The following TAPT1 variants were observed in gnomAD, a reference collection of about 807,000 sequenced individuals.
TAPT1 encodes transmembrane anterior posterior transformation 1.
In TAPT1, 28 loss-of-function variants were observed where a neutral mutation model predicts 65.6. The ratio of observed to expected loss-of-function variants is 0.43; its 90% CI spans 0.32 to 0.59. The LOEUF is 0.59. TAPT1 is among the 20% of genes least tolerant of loss of function. The pLI, the probability that TAPT1 is intolerant of heterozygous loss-of-function variation, is 0.09. For synonymous variants in TAPT1, 278 were observed against 245.2 expected (o/e 1.13, Z -1.25); for missense variants, 563 against 679.9 (o/e 0.83, Z 1.91).
chr4:16,190,361 T>TG (rs1438451835), intron 4 of TAPT1: 1 of 151,644 alleles, frequency 6.6e-6, no homozygotes. Flanking sequence ...TTCCCCGAGA[T>TG]GGAGTCTCGC....
At chr4:16,190,070 A>G (rs1409193135) in intron 4 of TAPT1, 1 of 152,242 alleles carries the variant, frequency 6.6e-6, no homozygotes, top group East Asian at 1.9e-4. Context: ...GTGTACGCGC[A>G]GCAAGCCTAG....
intron 11 of TAPT1, among the ~76,000 whole-genome samples, chr4:16,173,632 C>T (rs1314334423): frequency 6.6e-6 from 1 of 152,172 alleles, no homozygotes. Flanking sequence ...GTATTAATTA[C>T]CACTGATAGA....
At chr4:16,222,785 T>C (rs1315874005) in intron 1 of TAPT1, among the ~76,000 whole-genome samples, 1 of 152,092 alleles carries the variant, frequency 6.6e-6, no homozygotes, top group Non-Finnish European at 1.5e-5. Flanking sequence ...CTAACCATGG[T>C]TAAAGGGAGA....
intron 4 of TAPT1, chr4:16,190,260 T>A (rs1347148882): frequency 6.6e-5 from 10 of 151,786 alleles, no homozygotes; most frequent in African/African-American, 2.4e-4. Context: ...CTAGGAAAAA[T>A]CTCTTCATGG....
At chr4:16,197,576 A>T (rs1749788129) in intron 3 of TAPT1, among the ~76,000 whole-genome samples, 1 of 152,352 alleles carries the variant, frequency 6.6e-6, no homozygotes, top group South Asian at 2.1e-4. Flanking sequence ...CAATTCTACA[A>T]GCAAATTTGG....
rs71649940 is a variant in TAPT1 at position 16,194,859 on chromosome 4, G to GTCTTCTTCTTCTTCTTCTTCT, written c.450-3357_450-3337dup. Among the ~76,000 whole-genome samples the GTCTTCTTCTTCTTCTTCTTCT allele has an allele frequency of 8.5e-4, 125 of 147,000 alleles. 6 individuals carry two copies. The highest frequency in any genetic ancestry group is 3.2e-3 in the African/African-American group (119 of 37,440). ...TTAAAAAACAAGGGTCTTGATTTCTGTCTTCTTCTTCTTCTTCTTCTTCTT... is the reference window on the plus strand; with the variant it reads ...TTAAAAAACAAGGGTCTTGATTTCTGTCTTCTTCTTCTTCTTCTTCTTCTTCTTCTTCTTCTTCTTCTTCTT... On this transcript the variant is annotated intron_variant, in intron 3 of 13. Coordinates refer to ENST00000405303, the MANE Select transcript of TAPT1 (RefSeq NM_153365.3).
At chr4:16,213,985 A>G (rs957550923) in intron 1 of TAPT1, 87 bp from the exon 2 acceptor site, 4 of 1,173,498 alleles carry the variant, frequency 3.4e-6, no homozygotes, top group African/African-American at 1.6e-5. Context: ...TAATATACAT[A>G]TAAAACAAAG....
intron 13 of TAPT1, among the ~76,000 whole-genome samples, chr4:16,166,036 T>G (rs1398256303): frequency 8.5e-5 from 13 of 152,180 alleles, no homozygotes; most frequent in Non-Finnish European, 1.5e-5. Context: ...CAAGACCCCC[T>G]CTCCAGTCCT....
At chr4:16,168,719 T>C (rs1386773359) in intron 12 of TAPT1, among the ~76,000 whole-genome samples, 2 of 152,264 alleles carry the variant, frequency 1.3e-5, no homozygotes, top group East Asian at 1.9e-4. Flanking sequence ...CTTGTTTTTC[T>C]AGTTGTTGTC....
intron 3 of TAPT1, among the ~76,000 whole-genome samples, chr4:16,194,044 T>C (rs1309999855): frequency 2.0e-5 from 3 of 152,224 alleles, no homozygotes; most frequent in African/African-American, 7.2e-5. Context: ...ATATATCCAA[T>C]TGTGTTTCTT....
chr4:16,218,569 A>G (rs1238513826), intron 1 of TAPT1, among the ~76,000 whole-genome samples: 1 of 152,232 alleles, frequency 6.6e-6, no homozygotes, highest in African/African-American at 2.4e-5. Context: ...CTTAAACATT[A>G]GTCCTGTGAC....
At chr4:16,179,885 A>C (rs1748610744) in intron 7 of TAPT1, among the ~76,000 whole-genome samples, 1 of 151,970 alleles carries the variant, frequency 6.6e-6, no homozygotes, top group South Asian at 2.1e-4. Flanking sequence ...ACATAATTCT[A>C]GTATGGAAAT....
chr4:16,170,787 G>C lies in TAPT1; in HGVS notation c.1237-58C>G. ...CACAAACAGAACACACAACCACAGA[G>C]TTATTAGTTAATACTTAAAAAGATT... On this transcript the variant is annotated intron_variant, in intron 11 of 13. Transcript: ENST00000405303. 3.1e-6 allele frequency: 4 copies of C among 1,290,886 alleles called. No homozygotes were observed. The South Asian group carries it at 5.0e-5, about 16-fold the overall frequency. 80.0% of individuals were successfully genotyped at this position (1,290,886 alleles called of 1,614,324 possible).
chr4:16,195,856 A>G (rs1463657488), intron 3 of TAPT1, among the ~76,000 whole-genome samples: 3 of 152,250 alleles, frequency 2.0e-5, no homozygotes, highest in African/African-American at 7.2e-5. Flanking sequence ...GTGGACAGAA[A>G]GATCAAGAAG....
chr4:16,226,355 T>A lies in TAPT1; in HGVS notation c.103A>T (p.Ser35Cys), dbSNP rs1455007644. ...GRGEAEQPGG[S>C]GGQGPPPAPQ... ...GCCGGCGGGGGCCCCTGTCCGCCGC[T>A]GCCGCCCGGCTGCTCCGCCTCGCCG... The change falls in exon 1 of 14, where the codon AGC becomes TGC. Residue 35 changes from serine to cysteine, a missense_variant. Physicochemically the swap from Ser to Cys is moderately radical, Grantham distance 112. This residue lies in a region of TAPT1 where 103 missense variants were observed against 89.4 expected (regional missense o/e 1.15). Transcript: ENST00000405303. 2 of 1,111,406 alleles carry A rather than the reference T, an allele frequency of 1.8e-6. No homozygotes were observed. Among genetic ancestry groups the A allele is most frequent in the African/African-American group, 3.4e-5 (2 of 59,120 alleles). The allele number at this position is 1,111,406 out of a possible 1,614,324, so 68.8% of individuals were successfully genotyped here. A position where few individuals can be genotyped will look rare whatever the true frequency, so the allele number is the denominator to read the frequency against.
chr4:16,202,773 C>T (rs533967772), intron 2 of TAPT1, among the ~76,000 whole-genome samples, 193 bp from the exon 3 acceptor site: 2 of 152,282 alleles, frequency 1.3e-5, no homozygotes, highest in South Asian at 4.1e-4. Flanking sequence ...TGGTTTACGA[C>T]TCACAAAAGA....
rs1747231322 is a variant in TAPT1, at chr4:16,161,339, G to A, written c.*1969C>T. ...GAATTTATTGAGATTCACACAAGATGCACTTATAAAATTAGTACTGAATGC... is the reference window on the plus strand; with the variant it reads ...GAATTTATTGAGATTCACACAAGATACACTTATAAAATTAGTACTGAATGC... On this transcript the variant is annotated 3_prime_UTR_variant, in exon 14 of 14. Coordinates refer to ENST00000405303, the MANE Select transcript of TAPT1 (RefSeq NM_153365.3). The A allele has an allele frequency of 6.6e-6, 1 of 152,600 alleles. No homozygotes were observed. The highest frequency in any genetic ancestry group is 1.5e-5 in the Non-Finnish European group (1 of 68,032). The allele number at this position is 152,600 out of a possible 1,614,324, so 9.5% of individuals were successfully genotyped here.
At chr4:16,174,557 G>C in intron 10 of TAPT1, 113 bp downstream of exon 10, 1 of 910,294 alleles carries the variant, frequency 1.1e-6, no homozygotes, top group Non-Finnish European at 1.6e-6. Context: ...AGATCAGTAG[G>C]CAGTTTATGT....
In TAPT1 at chr4:16,163,100, G is replaced by C. The variant is rs1278903121; in HGVS notation, c.*208C>G. The C allele has an allele frequency of 7.9e-6, 5 of 635,816 alleles. No individual in the cohort carries two copies. The East Asian group carries it at 1.3e-4, about 16-fold the overall frequency. 39.4% of individuals were successfully genotyped at this position (635,816 alleles called of 1,614,324 possible). A position where few individuals can be genotyped will look rare whatever the true frequency, so the allele number is the denominator to read the frequency against. ...GTTTTATAATCCATCAAGCTTCCCA[G>C]ACAGTCAAGGCCGGAGGTCGCTCCT... is the stretch of plus-strand genomic sequence containing the variant. On this transcript the variant is annotated 3_prime_UTR_variant, in exon 14 of 14. Transcript: ENST00000405303.
Sources: gnomAD v4.1 joint callset for allele counts (sites outside exome capture counted in the v4.1 genomes callset) on GRCh38, gnomAD v4.1.1 for gene constraint, gnomAD v4.1.1 regional missense constraint, MANE v1.5 for transcripts, NCBI Gene and HGNC (gene_info 2026-07-23, HGNC 2026-07-21) for gene names.